SHC3: variants seen among roughly 807,000 people sequenced by gnomAD.
SHC3 encodes SHC-transforming protein 3.
SHC3 carries 15 observed loss-of-function variants against 60.4 expected under a neutral mutation model. That is an observed-to-expected ratio of 0.25 (90% CI 0.17 to 0.38). SHC3 has a LOEUF of 0.38. Ranked by LOEUF, SHC3 falls within the 10% of genes least tolerant of loss-of-function variation. The pLI, the probability that SHC3 is intolerant of heterozygous loss-of-function variation, is 1.00. For missense variants in SHC3, 677 were observed against 786.1 expected, an observed-to-expected ratio of 0.86 and a Z score of 1.66; for synonymous variants, 294 against 325.9, an observed-to-expected ratio of 0.90 and a Z score of 1.05.
chr9:89,174,378 T>C (rs1470212625), intron 1 of SHC3, among the ~76,000 whole-genome samples: 3 of 152,236 alleles, frequency 2.0e-5, no homozygotes, highest in Non-Finnish European at 4.4e-5. Flanking sequence ...AATGCAGTAC[T>C]TTTCTGATCG....
rs780025853 is a variant in SHC3 at position 89,065,522 on chromosome 9, C to T, written c.835+7G>A. 9.3e-6 allele frequency: 15 copies of T among 1,613,936 alleles called. No homozygotes were observed. The highest frequency in any genetic ancestry group is 5.0e-5 in the Admixed American group (3 of 59,992). On this transcript the variant is annotated splice_region_variant and intron_variant, in intron 6 of 11. Coordinates refer to ENST00000375835, the MANE Select transcript of SHC3 (RefSeq NM_016848.6). Reference sequence around the variant, plus strand: ...ACAAGAGATTAAAGGGGTCAAGCACCGCTTACCTCTGCGATTAACAGGGTC... The same window carrying T: ...ACAAGAGATTAAAGGGGTCAAGCACTGCTTACCTCTGCGATTAACAGGGTC...
chr9:89,018,111 T>C (rs1411775077), intron 11 of SHC3, among the ~76,000 whole-genome samples: 1 of 152,278 alleles, frequency 6.6e-6, no homozygotes, highest in East Asian at 1.9e-4. Flanking sequence ...GAACCAGAAA[T>C]ACCATTTGAC....
intron 1 of SHC3, among the ~76,000 whole-genome samples, chr9:89,132,412 T>C (rs1274060262): frequency 6.6e-6 from 1 of 152,124 alleles, no homozygotes; most frequent in Non-Finnish European, 1.5e-5. Context: ...AAAACTACTT[T>C]AAAGTTCATA....
chr9:89,028,124 C>T (rs1208145358), intron 11 of SHC3, among the ~76,000 whole-genome samples: 1 of 152,218 alleles, frequency 6.6e-6, no homozygotes, highest in Non-Finnish European at 1.5e-5. Context: ...CCCTCCCCTT[C>T]TCAACCTAAA....
chr9:89,054,728 C>G (rs897529324), intron 6 of SHC3, among the ~76,000 whole-genome samples: 3 of 152,212 alleles, frequency 2.0e-5, no homozygotes, highest in Non-Finnish European at 2.9e-5. Flanking sequence ...CCAAATGACG[C>G]AAAATCTAAA....
intron 1 of SHC3, among the ~76,000 whole-genome samples, chr9:89,118,604 A>T (rs1441499202): frequency 6.6e-6 from 1 of 152,020 alleles, no homozygotes; most frequent in African/African-American, 2.4e-5. Flanking sequence ...AGAGAGAAAC[A>T]TTCTAAAAGT....
At position 89,043,692 on chromosome 9, in the gene SHC3, C is replaced by G. The variant is rs923626984; in HGVS notation, c.1202-1508G>C. Among the ~76,000 whole-genome samples the G allele has an allele frequency of 6.6e-5, 10 of 151,880 alleles. No individual in the cohort carries two copies. In the East Asian group the frequency reaches 1.9e-3, roughly 29 times the overall value. The stretch of plus-strand genomic sequence containing the variant: ...TTTGAGGCAGGGTCTCATTCTGTCA[C>G]CCAGGCTGGAATGCAAGTGGCATGA... On this transcript the variant is annotated intron_variant, in intron 9 of 11. Coordinates refer to ENST00000375835, the MANE Select transcript of SHC3 (RefSeq NM_016848.6).
chr9:89,070,324 AGCCT>A (rs1825250290), intron 5 of SHC3, among the ~76,000 whole-genome samples: 5 of 152,166 alleles, frequency 3.3e-5, no homozygotes, highest in African/African-American at 4.8e-5. Context: ...CCGGAGGGTG[AGCCT>A]TCTTCCCTCT....
chr9:89,124,280 C>G (rs1291101392), intron 1 of SHC3, among the ~76,000 whole-genome samples: 4 of 152,060 alleles, frequency 2.6e-5, no homozygotes, highest in Non-Finnish European at 5.9e-5. Context: ...AAGAGTGTGG[C>G]GATTCCTCAA....
At chr9:89,032,611 C>G (rs1035441795) in intron 11 of SHC3, among the ~76,000 whole-genome samples, 1 of 152,272 alleles carries the variant, frequency 6.6e-6, no homozygotes, top group East Asian at 1.9e-4. Context: ...CTGGCACTTT[C>G]CAGATACTAT....
chr9:89,014,327 C>T (rs757996460), intron 11 of SHC3, among the ~76,000 whole-genome samples: 1 of 152,132 alleles, frequency 6.6e-6, no homozygotes, highest in East Asian at 1.9e-4. Flanking sequence ...CACTCTGAGC[C>T]GGCACATTCA....
intron 3 of SHC3, among the ~76,000 whole-genome samples, chr9:89,077,212 A>G (rs1447469966): frequency 2.0e-5 from 3 of 152,146 alleles, no homozygotes; most frequent in Non-Finnish European, 4.4e-5. Context: ...AAAACAGACA[A>G]TAAATGCTCA....
intron 1 of SHC3, among the ~76,000 whole-genome samples, chr9:89,122,069 A>C (rs965121944): frequency 2.6e-5 from 4 of 152,194 alleles, no homozygotes; most frequent in African/African-American, 9.7e-5. Flanking sequence ...ACAATTCTAT[A>C]TACCCCAACA....
At chr9:89,057,315 C>CTT (rs10606274) in intron 6 of SHC3, among the ~76,000 whole-genome samples, 2 of 133,726 alleles carry the variant, frequency 1.5e-5, no homozygotes, top group South Asian at 2.6e-4. Flanking sequence ...TTTCCTTTTT[C>CTT]TTTTTTTTTT....
intron 11 of SHC3, among the ~76,000 whole-genome samples, chr9:89,033,803 G>A (rs1295684808): frequency 1.3e-5 from 2 of 152,180 alleles, no homozygotes; most frequent in African/African-American, 2.4e-5. Flanking sequence ...GAAACAGGGG[G>A]TATAGAGGGG....
At chr9:89,133,071 TCAAA>T (rs930327378) in intron 1 of SHC3, among the ~76,000 whole-genome samples, 11 of 151,456 alleles carry the variant, frequency 7.3e-5, no homozygotes, top group African/African-American at 2.7e-4. Flanking sequence ...AAGAAAAAAA[TCAAA>T]CAACCCCATC....
chr9:89,008,191 C>T lies in SHC3; in HGVS notation c.*5256G>A, dbSNP rs1825969177. The T allele has an allele frequency of 6.6e-6, 1 of 152,162 alleles. No homozygotes were observed. The highest frequency in any genetic ancestry group is 2.1e-4 in the South Asian group (1 of 4,826). 9.4% of individuals were successfully genotyped at this position (152,162 alleles called of 1,614,324 possible). ...GCAAACTTATAAATATGTATAAACCCCATTATAAATAAATTATGGCTGGCA... is the reference window on the plus strand; with the variant it reads ...GCAAACTTATAAATATGTATAAACCTCATTATAAATAAATTATGGCTGGCA... On this transcript the variant is annotated 3_prime_UTR_variant, in exon 12 of 12. Transcript: ENST00000375835.
intron 10 of SHC3, 68 bp downstream of exon 10, chr9:89,041,958 T>C (rs2117890427): frequency 6.3e-7 from 1 of 1,586,474 alleles, no homozygotes; most frequent in East Asian, 2.2e-5. Context: ...TTACACAGAT[T>C]TCAAATAAAA....
chr9:89,113,486 T>A (rs1012322521), intron 1 of SHC3, among the ~76,000 whole-genome samples: 2 of 152,166 alleles, frequency 1.3e-5, no homozygotes, highest in East Asian at 1.9e-4. Context: ...CGAGACTCCA[T>A]CTCAAAAAAG....
Sources: allele counts gnomAD v4.1 joint callset (sites outside exome capture counted in the v4.1 genomes callset), GRCh38; gene constraint gnomAD v4.1.1; transcripts MANE v1.5; gene names NCBI Gene and HGNC (gene_info 2026-07-23, HGNC 2026-07-21).